The following PHYKPL variants were observed in gnomAD, a reference collection of about 807,000 sequenced individuals.
PHYKPL encodes 5-phosphohydroxy-L-lysine phospho-lyase, also known as 5-phosphonooxy-L-lysine phospho-lyase.
A neutral mutation model predicts 51.3 loss-of-function variants in PHYKPL; 42 were observed. The ratio of observed to expected loss-of-function variants is 0.82; its 90% CI spans 0.64 to 1.06. The LOEUF is 1.06. Ranked by LOEUF, PHYKPL falls within the 50% of genes least tolerant of loss-of-function variation. The pLI is 0.00. For missense variants in PHYKPL, 655 were observed against 586.6 expected, an observed-to-expected ratio of 1.12 and a Z score of -1.20; for synonymous variants, 264 against 236.0, an observed-to-expected ratio of 1.12 and a Z score of -1.09.
Position 178,229,971 on chromosome 5 carries a change from G to A in PHYKPL, c.307C>T (p.Gln103Ter). Reference sequence around the variant, plus strand: ...TTCAGGAAATAGAACACACAGAGCTGCTCCGGCAGGGTCTCTGACAGCCTC... The same window carrying A: ...TTCAGGAAATAGAACACACAGAGCTACTCCGGCAGGGTCTCTGACAGCCTC... ...AQRLSETLPE[Q>*]LCVFYFLNSG... is the part of the protein sequence containing the mutation. Residue 103 changes from glutamine (Q) to a stop codon, truncating the protein, a stop_gained, in exon 3 of 13, where the codon CAG becomes TAG. Transcript: ENST00000308158. LOFTEE classifies it high-confidence loss of function. The A allele has an allele frequency of 6.2e-7, 1 of 1,614,188 alleles. No individual in the cohort carries two copies. The highest frequency in any genetic ancestry group is 8.5e-7 in the Non-Finnish European group (1 of 1,180,004).
Position 178,222,335 on chromosome 5 carries a change from G to T in PHYKPL, c.927+20C>A. On this transcript the variant is annotated intron_variant, in intron 8 of 12. Transcript: ENST00000308158. ...CTATCAGAACCCATGTTGCTCCCTTGACTTAGAGCCATCACTCACCGTGTT... is the reference window on the plus strand; with the variant it reads ...CTATCAGAACCCATGTTGCTCCCTTTACTTAGAGCCATCACTCACCGTGTT... 6.3e-7 allele frequency: 1 copy of T among 1,597,194 alleles called. No individual in the cohort carries two copies. The highest frequency in any genetic ancestry group is 8.6e-7 in the Non-Finnish European group (1 of 1,168,340).
chr5:178,212,822 G>T (rs1480189546), intron 11 of PHYKPL, 151 bp downstream of exon 11: 4 of 1,131,710 alleles, frequency 3.5e-6, no homozygotes, highest in Admixed American at 5.6e-5. Context: ...ATTGGGCCAT[G>T]AAAGACCCTC....
chr5:178,232,359 C>T (rs2127506804), intron 1 of PHYKPL, 133 bp downstream of exon 1: 2 of 1,287,902 alleles, frequency 1.6e-6, no homozygotes, highest in Non-Finnish European at 2.0e-6. Context: ...GCCGGGGCAG[C>T]GGCCGGACGG....
At chr5:178,209,365 T>TCAG in intron 12 of PHYKPL, 4 of 1,614,162 alleles carry the variant, frequency 2.5e-6, no homozygotes, top group Non-Finnish European at 3.4e-6. Context: ...AAGAAGTCTA[T>TCAG]CAGCAGCAGC....
At chr5:178,210,663 TG>T in intron 12 of PHYKPL, 1 of 1,485,316 alleles carries the variant, frequency 6.7e-7, no homozygotes, top group East Asian at 2.3e-5. Flanking sequence ...ACACATGCTT[TG>T]TTTGGATATG....
intron 8 of PHYKPL, among the ~76,000 whole-genome samples, chr5:178,218,627 G>A (rs1760454940): frequency 6.6e-6 from 1 of 152,186 alleles, no homozygotes; most frequent in Admixed American, 6.5e-5. Context: ...TCTTAGATTT[G>A]CAGCCTTCAG....
chr5:178,213,737 T>C (rs1219272443), intron 10 of PHYKPL, among the ~76,000 whole-genome samples: 2 of 152,240 alleles, frequency 1.3e-5, no homozygotes, highest in African/African-American at 4.8e-5. Flanking sequence ...TTGTTATTTT[T>C]ATTTCTTGGG....
chr5:178,223,047 A>G (rs1761521015), intron 6 of PHYKPL, 113 bp from the exon 7 acceptor site: 1 of 988,600 alleles, frequency 1.0e-6, no homozygotes, highest in Non-Finnish European at 1.5e-6. Context: ...TCAGTGCTGC[A>G]CCCCTACTTT....
chr5:178,218,466 G>C (rs966687970), intron 8 of PHYKPL, among the ~76,000 whole-genome samples: 3 of 152,138 alleles, frequency 2.0e-5, no homozygotes, highest in African/African-American at 4.8e-5. Context: ...TAGGTCACAA[G>C]AATAGAGCCT....
At chr5:178,231,693 T>C (rs750459832) in intron 1 of PHYKPL, 170 bp from the exon 2 acceptor site, 8 of 1,561,400 alleles carry the variant, frequency 5.1e-6, no homozygotes, top group African/African-American at 2.7e-5. Context: ...CCACAGGTGG[T>C]TGCAAAGCAG....
chr5:178,219,006 C>G (rs1025905062), intron 8 of PHYKPL, among the ~76,000 whole-genome samples: 2 of 152,102 alleles, frequency 1.3e-5, no homozygotes, highest in South Asian at 2.1e-4. Context: ...ATGACATGCA[C>G]AAAGGATGTA....
Position 178,225,442 on chromosome 5 carries a change from AG to A in PHYKPL, c.339-14del, listed in dbSNP as rs761572406. On this transcript the variant is annotated splice_polypyrimidine_tract_variant and intron_variant, in intron 3 of 12. Coordinates refer to ENST00000308158, the MANE Select transcript of PHYKPL (RefSeq NM_153373.4). ...ATTGGCTTCTGACCTATGACCGAAA[AG>A]GTGGGCATGACTGAGAGAGTAGTCT... is the stretch of plus-strand genomic sequence containing the variant. 2 of 1,614,152 alleles carry A rather than the reference AG, an allele frequency of 1.2e-6. No individual in the cohort carries two copies. Among genetic ancestry groups the A allele is most frequent in the Non-Finnish European group, 1.7e-6 (2 of 1,179,990 alleles).
At chr5:178,214,684 C>A in intron 10 of PHYKPL, 112 bp downstream of exon 10, 1 of 953,896 alleles carries the variant, frequency 1.0e-6, no homozygotes. Flanking sequence ...TCAATCAAGT[C>A]TGTGGCCCAG....
At position 178,222,474 on chromosome 5, in the gene PHYKPL, C is replaced by T. The variant is rs772738952; in HGVS notation, c.808G>A (p.Val270Ile). 17 of 1,614,152 alleles carry T rather than the reference C, an allele frequency of 1.1e-5. No homozygotes were observed. The highest frequency in any genetic ancestry group is 1.4e-5 in the Non-Finnish European group (16 of 1,180,060). ...TTGCCCATGGTGACGATGTCAGGGA[C>T]GAAGTCTTTTCCCTGGAGCTGGAAG... ...WAFQLQGKDFVPDIVTMGKSI... is the reference protein window; with the variant it reads ...WAFQLQGKDFIPDIVTMGKSI... The change falls in exon 8 of 13, where the codon GTC (valine) becomes ATC (isoleucine). Residue 270 changes from valine (V) to isoleucine (I), a missense_variant. Val to Ile is a conservative substitution (Grantham distance 29, BLOSUM62 3). Transcript: ENST00000308158.
chr5:178,210,645 C>G (rs750218559), intron 12 of PHYKPL: 3 of 1,583,972 alleles, frequency 1.9e-6, no homozygotes, highest in Non-Finnish European at 2.6e-6. Context: ...GAGCGACCAA[C>G]TGATCGCACA....
chr5:178,221,903 T>C (rs1475740433), intron 8 of PHYKPL, among the ~76,000 whole-genome samples: 1 of 152,226 alleles, frequency 6.6e-6, no homozygotes, highest in Non-Finnish European at 1.5e-5. Flanking sequence ...TCAGGGCCAC[T>C]GAATATGCCA....
At chr5:178,210,352 C>T (rs1461474986) in intron 12 of PHYKPL, 10 of 1,601,142 alleles carry the variant, frequency 6.2e-6, no homozygotes, top group East Asian at 2.2e-5. Flanking sequence ...CCACTGGCAG[C>T]AGGGGCTTTG....
At chr5:178,219,333 T>A (rs1018900422) in intron 8 of PHYKPL, among the ~76,000 whole-genome samples, 1 of 150,830 alleles carries the variant, frequency 6.6e-6, no homozygotes, top group Non-Finnish European at 1.5e-5. Flanking sequence ...TGTTGGTATA[T>A]ACACACACAC....
downstream of PHYKPL, chr5:178,207,368 T>C (rs534837271): frequency 4.4e-5 from 42 of 957,848 alleles, no homozygotes; most frequent in African/African-American, 2.6e-4. Context: ...GCTGCCCTGA[T>C]TGGGGCAGTG....
Sources: gnomAD v4.1 joint callset for allele counts (sites outside exome capture counted in the v4.1 genomes callset) on GRCh38, gnomAD v4.1.1 for gene constraint, MANE v1.5 for transcripts, NCBI Gene and HGNC (gene_info 2026-07-23, HGNC 2026-07-21) for gene names.